The following ZNF329 variants were observed in gnomAD, a reference collection of about 807,000 sequenced individuals.
ZNF329 encodes the protein zinc finger protein 329.
A neutral mutation model predicts 26.6 loss-of-function variants in ZNF329; 15 were observed. The ratio of observed to expected loss-of-function variants is 0.56; its 90% CI spans 0.38 to 0.87. The LOEUF is 0.87. ZNF329 is among the 40% of genes least tolerant of loss of function. The probability of loss-of-function intolerance (pLI) is 0.00; values close to 1 mark genes in which losing one functional copy is unlikely to be tolerated. For missense variants in ZNF329, 651 were observed against 651.9 expected, an observed-to-expected ratio of 1.00 and a Z score of 0.02; for synonymous variants, 239 against 233.5, an observed-to-expected ratio of 1.02 and a Z score of -0.21.
chr19:58,138,575 T>C (rs1231706129), intron 3 of ZNF329, among the ~76,000 whole-genome samples: 2 of 152,192 alleles, frequency 1.3e-5, no homozygotes, highest in African/African-American at 4.8e-5. Flanking sequence ...CCGCATGACA[T>C]GTTTCCTGTT....
intron 3 of ZNF329, among the ~76,000 whole-genome samples, chr19:58,129,793 C>A (rs1041769184): frequency 6.6e-6 from 1 of 152,132 alleles, no homozygotes; most frequent in Non-Finnish European, 1.5e-5. Context: ...ATGTGAGAGA[C>A]CAGAGGCCAA....
At position 58,127,742 on chromosome 19, in the gene ZNF329, C is replaced by T. The variant is rs879667515; in HGVS notation, c.*136G>A. 1.1e-6 allele frequency: 1 copy of T among 891,536 alleles called. No individual in the cohort carries two copies. 55.2% of individuals were successfully genotyped at this position (891,536 alleles called of 1,614,324 possible). A position where few individuals can be genotyped will look rare whatever the true frequency, so the allele number is the denominator to read the frequency against. ...GAGCAGACTTAACAGTGTGGCTCAG[C>T]AATGTCTCACATTCATCAATTCACT... On this transcript the variant is annotated 3_prime_UTR_variant, in exon 4 of 4. Coordinates refer to ENST00000598312, the MANE Select transcript of ZNF329 (RefSeq NM_024620.4).
Position 58,128,565 on chromosome 19 carries a change from T to C in ZNF329, c.939A>G (p.Lys313=). The change falls in exon 4 of 4, where the codon AAA becomes AAG. Residue 313 remains lysine, a synonymous_variant. Transcript: ENST00000598312. ...ILHQRTHTGE[K]PYRCNECGKP... ...TCCCACATTCGTTACATCTATATGG[T>C]TTTTCCCCTGTATGAGTTCTTTGGT... The C allele has an allele frequency of 6.2e-7, 1 of 1,613,970 alleles. No homozygotes were observed. The highest frequency in any genetic ancestry group is 8.5e-7 in the Non-Finnish European group (1 of 1,179,908).
In ZNF329 at chr19:58,128,526, G is replaced by A; in HGVS notation, c.978C>T (p.Asp326=). Reference sequence around the variant, plus strand: ...TGAGATGCACTGTAAGGTGGGAGATGTCAGTGAAGGGTTTCCCACATTCGT... The same window carrying A: ...TGAGATGCACTGTAAGGTGGGAGATATCAGTGAAGGGTTTCCCACATTCGT... The part of the protein sequence containing the change: ...RCNECGKPFT[D]ISHLTVHLRI... Residue 326 remains aspartate (D), a synonymous_variant, in exon 4 of 4, where the codon GAC becomes GAT. Transcript: ENST00000598312. 6.2e-7 allele frequency: 1 copy of A among 1,614,100 alleles called. No individual in the cohort carries two copies. The highest frequency in any genetic ancestry group is 1.7e-5 in the Admixed American group (1 of 60,006).
chr19:58,144,364 C>CTATCTA (rs2075253862), intron 1 of ZNF329, among the ~76,000 whole-genome samples: 1 of 79,552 alleles, frequency 1.3e-5, no homozygotes, highest in Non-Finnish European at 2.7e-5. Flanking sequence ...ATCTATCTAT[C>CTATCTA]TATCTATCTA....
chr19:58,135,130 A>T (rs944488425), intron 3 of ZNF329, among the ~76,000 whole-genome samples: 25 of 152,170 alleles, frequency 1.6e-4, no homozygotes, highest in Admixed American at 1.1e-3. Context: ...TTTAATTTTT[A>T]TAATGGGGGT....
upstream of ZNF329, among the ~76,000 whole-genome samples, chr19:58,154,449 G>T (rs79955355): frequency 1.3e-5 from 2 of 152,128 alleles, no homozygotes; most frequent in Non-Finnish European, 2.9e-5. Context: ...TGCCAGAAAG[G>T]CCCTCTGGCC....
intron 1 of ZNF329, among the ~76,000 whole-genome samples, chr19:58,144,951 G>C (rs1482758236): frequency 1.3e-5 from 2 of 149,570 alleles, no homozygotes; most frequent in Non-Finnish European, 3.0e-5. Flanking sequence ...CCGGGTTCAC[G>C]CCATTCTCCT....
intron 1 of ZNF329, among the ~76,000 whole-genome samples, chr19:58,144,390 ATATATAT>A (rs2075257987): frequency 1.2e-5 from 1 of 82,122 alleles, no homozygotes; most frequent in Non-Finnish European, 2.5e-5. Flanking sequence ...CTATATATAT[ATATATAT>A]TTTTTTTTTG....
In ZNF329 at chr19:58,149,414, C is replaced by T. The variant is rs73056215; in HGVS notation, c.-208+1338G>A. On this transcript the variant is annotated intron_variant, in intron 1 of 3. Transcript: ENST00000598312. ...ATAAGAACCCTCTGTTGGGTTATAG[C>T]TCGGGACCCCCTTTCTGGTAACACC... is the stretch of plus-strand genomic sequence containing the variant. 3.6e-3 allele frequency among the ~76,000 whole-genome samples: 548 copies of T among 152,206 alleles called. 2 individuals are homozygous for T. Among genetic ancestry groups the T allele is most frequent in the Non-Finnish European group, 6.2e-3 (419 of 68,022 alleles).
Position 58,127,909 on chromosome 19 carries a change from G to C in ZNF329, c.1595C>G (p.Ala532Gly). The C allele has an allele frequency of 2.5e-6, 4 of 1,605,876 alleles. No individual in the cohort carries two copies. Among genetic ancestry groups the C allele is most frequent in the Non-Finnish European group, 3.4e-6 (4 of 1,175,746 alleles). ...TTCCATGGGTTGCTCTCCCAGGTGT[G>C]CTCTTTGATGTCGAACAAGGGATGA... Reference protein sequence around the residue: ...KSSSLVRHQRAHLGEQPMET With the variant: ...KSSSLVRHQRGHLGEQPMET The change falls in exon 4 of 4, where the codon GCA becomes GGA. Residue 532 changes from alanine to glycine, a missense_variant. By Grantham distance (60) the Ala-to-Gly change is moderately conservative. Transcript: ENST00000598312.
At chr19:58,151,394 A>C (rs987021803), upstream of ZNF329, among the ~76,000 whole-genome samples, 3 of 152,162 alleles carry the variant, frequency 2.0e-5, no homozygotes, top group African/African-American at 7.2e-5. Flanking sequence ...TAAGGTCAGG[A>C]GTTTGAGACC....
At chr19:58,144,382 A>ATCTATCTATCTATCTATCTATC (rs148271661) in intron 1 of ZNF329, among the ~76,000 whole-genome samples, 46 of 124,020 alleles carry the variant, frequency 3.7e-4, no homozygotes, top group African/African-American at 1.3e-3. Context: ...CTATCTATCT[A>ATCTATCTATCTATCTATCTATC]TATATATATA....
intron 1 of ZNF329, among the ~76,000 whole-genome samples, chr19:58,148,136 G>A (rs1379073995): frequency 1.3e-5 from 2 of 151,758 alleles, no homozygotes; most frequent in Non-Finnish European, 2.9e-5. Flanking sequence ...TCCACTCAGG[G>A]TTAAATGGAT....
intron 3 of ZNF329, among the ~76,000 whole-genome samples, chr19:58,140,474 G>A (rs534419352): frequency 4.7e-5 from 7 of 148,758 alleles, no homozygotes; most frequent in Middle Eastern, 3.5e-3. Flanking sequence ...GTGCAGTGGC[G>A]TGATCTCGGC....
intron 3 of ZNF329, among the ~76,000 whole-genome samples, chr19:58,137,809 C>CAAAAAAAA (rs72295173): frequency 7.2e-3 from 552 of 76,232 alleles, no homozygotes; most frequent in South Asian, 8.7e-3. Context: ...ACAAAAAATA[C>CAAAAAAAA]AAAAAAAAAA....
chr19:58,147,208 G>A (rs1401475371), intron 1 of ZNF329, among the ~76,000 whole-genome samples: 10 of 146,938 alleles, frequency 6.8e-5, no homozygotes, highest in African/African-American at 7.6e-5. Flanking sequence ...CCGCGACCCC[G>A]TCTGGGAGGT....
chr19:58,154,635 G>T (rs1254916190), upstream of ZNF329: 1 of 152,056 alleles, frequency 6.6e-6, no homozygotes, highest in Non-Finnish European at 1.5e-5. Context: ...CCCCTTCCTC[G>T]TCCTTTTTTT....
chr19:58,139,480 G>A (rs2075139672), intron 3 of ZNF329, among the ~76,000 whole-genome samples: 1 of 152,120 alleles, frequency 6.6e-6, no homozygotes, highest in Admixed American at 6.5e-5. Context: ...TCTGGTGAGG[G>A]TCCTCTTCCT....
Sources: gnomAD v4.1 joint callset for allele counts (sites outside exome capture counted in the v4.1 genomes callset) on GRCh38, gnomAD v4.1.1 for gene constraint, MANE v1.5 for transcripts, NCBI Gene and HGNC (gene_info 2026-07-23, HGNC 2026-07-21) for gene names.